The following MRTFB variants were observed in gnomAD, a reference collection of about 807,000 sequenced individuals.
MRTFB encodes the protein myocardin related transcription factor B, also known as myocardin-related transcription factor B.
A neutral mutation model predicts 104.2 loss-of-function variants in MRTFB; 29 were observed. That is an observed-to-expected ratio of 0.28 (90% CI 0.21 to 0.38). The LOEUF (loss-of-function observed/expected upper bound fraction) is 0.38. Ranked by LOEUF, MRTFB falls within the 10% of genes least tolerant of loss-of-function variation. The probability of loss-of-function intolerance (pLI) is 1.00; values close to 1 mark genes in which losing one functional copy is unlikely to be tolerated. For missense variants in MRTFB, 1,270 were observed against 1,341.6 expected, an observed-to-expected ratio of 0.95 and a Z score of 0.83; for synonymous variants, 535 against 519.5, an observed-to-expected ratio of 1.03 and a Z score of -0.41.
the MRTFB span, among the ~76,000 whole-genome samples, chr16:14,053,867 C>G: frequency 3.9e-5 from 6 of 152,024 alleles, no homozygotes; most frequent in African/African-American, 1.4e-4. Flanking sequence ...AGCCTGGGAG[C>G]CAGAGTGAGG....
intron 12 of MRTFB, 35 bp from the exon 13 acceptor site, chr16:14,248,891 A>T (rs373885247): frequency 1.2e-6 from 2 of 1,606,626 alleles, no homozygotes; most frequent in African/African-American, 2.7e-5. Flanking sequence ...TGATTCTGAC[A>T]ATTAAATTGA....
Position 14,247,295 on chromosome 16 carries a change from G to A in MRTFB, c.2035G>A (p.Val679Ile), listed in dbSNP as rs1447703352. 1 of 1,614,212 alleles carries A rather than the reference G, an allele frequency of 6.2e-7. No homozygotes were observed. ...GQTLVAKKAV[V>I]IKQEVPVGQA... ...GACCCTTGTTGCCAAAAAGGCTGTAGTTATCAAGCAAGAGGTCCCTGTGGG... is the reference window on the plus strand; with the variant it reads ...GACCCTTGTTGCCAAAAAGGCTGTAATTATCAAGCAAGAGGTCCCTGTGGG... Residue 679 changes from valine to isoleucine, a missense_variant, in exon 12 of 17, where the codon GTT becomes ATT. Val to Ile is a conservative substitution (Grantham distance 29). Around this residue, in one of 3 missense-constraint regions of MRTFB, gnomAD observed 1,144 missense variants for 1,131.5 expected, o/e 1.01. Transcript: ENST00000571589.
intron 3 of MRTFB, among the ~76,000 whole-genome samples, chr16:14,161,326 A>G (rs77745084): frequency 0.056 from 8,559 of 152,110 alleles, 744 homozygotes; most frequent in African/African-American, 0.19. Flanking sequence ...GAAATAGGCA[A>G]TATTCAGTCA....
intron 2 of MRTFB, among the ~76,000 whole-genome samples, chr16:14,115,668 G>C (rs2036506696): frequency 6.6e-6 from 1 of 152,152 alleles, no homozygotes. Context: ...CCTTGAAATA[G>C]TCACACTAAA....
At chr16:14,241,063 G>A (rs1253795239) in intron 10 of MRTFB, 1 of 440,720 alleles carries the variant, frequency 2.3e-6, no homozygotes, top group African/African-American at 2.0e-5. Flanking sequence ...CAAAAATCGA[G>A]TACAGCCAAT....
chr16:14,246,067 C>T (rs993936919), intron 11 of MRTFB, among the ~76,000 whole-genome samples: 1 of 152,016 alleles, frequency 6.6e-6, no homozygotes, highest in African/African-American at 2.4e-5. Context: ...CCTCTCTCTT[C>T]TTTGCCTCCC....
intron 6 of MRTFB, among the ~76,000 whole-genome samples, chr16:14,213,924 T>G (rs1296431159): frequency 6.6e-6 from 1 of 152,234 alleles, no homozygotes; most frequent in African/African-American, 2.4e-5. Context: ...GAGGGACATG[T>G]ATCCACTTAT....
At chr16:14,035,605 T>C in the MRTFB span, among the ~76,000 whole-genome samples, 1 of 152,258 alleles carries the variant, frequency 6.6e-6, no homozygotes, top group East Asian at 1.9e-4. Flanking sequence ...AATGACTCTA[T>C]GAGGTATGTG....
the MRTFB span, among the ~76,000 whole-genome samples, chr16:14,029,449 C>T: frequency 7.5e-6 from 1 of 134,112 alleles, no homozygotes; most frequent in African/African-American, 2.7e-5. Flanking sequence ...TATATATACA[C>T]ACACACACAC....
chr16:14,219,685 T>TTCTTCTCA (rs2041597334), intron 8 of MRTFB, among the ~76,000 whole-genome samples: 1 of 152,230 alleles, frequency 6.6e-6, no homozygotes, highest in South Asian at 2.1e-4. Flanking sequence ...CTTACAGCAT[T>TTCTTCTCA]TCTTCTCATT....
At chr16:14,034,021 C>T in the MRTFB span, among the ~76,000 whole-genome samples, 1 of 152,134 alleles carries the variant, frequency 6.6e-6, no homozygotes, top group Non-Finnish European at 1.5e-5. Context: ...TCTGTCTTGG[C>T]ATCATCAGGT....
intron 3 of MRTFB, among the ~76,000 whole-genome samples, chr16:14,150,519 T>TAA (rs2038561589): frequency 2.0e-5 from 3 of 152,108 alleles, no homozygotes; most frequent in Admixed American, 2.0e-4. Flanking sequence ...ATTCTTACAA[T>TAA]AAAGTAAGCT....
At chr16:14,152,583 A>G (rs1187327439) in intron 3 of MRTFB, 1 of 152,150 alleles carries the variant, frequency 6.6e-6, no homozygotes, top group Non-Finnish European at 1.5e-5. Flanking sequence ...AATGCTAAAA[A>G]TAAAGGAGAA....
At chr16:14,216,986 T>G (rs1251274246) in intron 6 of MRTFB, 140 bp from the exon 7 acceptor site, 2 of 814,284 alleles carry the variant, frequency 2.5e-6, no homozygotes, top group Non-Finnish European at 3.5e-6. Context: ...TCTTAAACAG[T>G]CATTTTCTCT....
intron 8 of MRTFB, among the ~76,000 whole-genome samples, chr16:14,229,291 T>G (rs1175778983): frequency 6.6e-6 from 1 of 152,122 alleles, no homozygotes; most frequent in East Asian, 1.9e-4. Flanking sequence ...GCTAGAGTTT[T>G]ACGTAAAATA....
the MRTFB span, among the ~76,000 whole-genome samples, chr16:14,040,253 A>G: frequency 6.6e-6 from 1 of 152,340 alleles, no homozygotes; most frequent in African/African-American, 2.4e-5. Context: ...ATGGCCATTT[A>G]GATTATTTCC....
At chr16:14,007,103 G>A in the MRTFB span, among the ~76,000 whole-genome samples, 1 of 152,166 alleles carries the variant, frequency 6.6e-6, no homozygotes, top group African/African-American at 2.4e-5. Context: ...AAATGTACAA[G>A]TCAATGGCTT....
intron 2 of MRTFB, among the ~76,000 whole-genome samples, chr16:14,102,480 C>T (rs2035755172): frequency 6.6e-6 from 1 of 152,112 alleles, no homozygotes; most frequent in Non-Finnish European, 1.5e-5. Flanking sequence ...GAACCATTTT[C>T]CCCCCTCTCA....
At chr16:14,039,695 T>G in the MRTFB span, among the ~76,000 whole-genome samples, 1 of 151,984 alleles carries the variant, frequency 6.6e-6, no homozygotes, top group Non-Finnish European at 1.5e-5. Context: ...ACTTTTAATT[T>G]ACACTTGTGA....
Sources: allele counts gnomAD v4.1 joint callset (sites outside exome capture counted in the v4.1 genomes callset), GRCh38; gene constraint gnomAD v4.1.1; regional missense constraint gnomAD v4.1.1; transcripts MANE v1.5; gene names NCBI Gene and HGNC (gene_info 2026-07-23, HGNC 2026-07-21).